Variants in CSHL1 observed in about 807,000 individuals in gnomAD.
CSHL1 encodes the protein chorionic somatomammotropin hormone like 1.
CSHL1 carries 25 observed loss-of-function variants against 24.3 expected under a neutral mutation model. The observed-to-expected ratio is 1.03, with a 90% CI of 0.75 to 1.44. CSHL1 has a LOEUF of 1.44. Ranked by LOEUF, CSHL1 falls within the 40% of genes most tolerant of loss-of-function variation. The pLI is 0.00. For missense variants in CSHL1, 342 were observed against 279.3 expected (o/e 1.22, Z -1.60); for synonymous variants, 157 against 115.6 (o/e 1.36, Z -2.30).
rs368393519 is a variant in CSHL1, at chr17:63,910,272, C to A, written c.361G>T (p.Val121Leu). The A allele has an allele frequency of 4.3e-5, 70 of 1,613,962 alleles. No homozygotes were observed. Among genetic ancestry groups the A allele is most frequent in the East Asian group, 1.1e-4 (5 of 44,888 alleles). The change falls in exon 4 of 5, where the codon GTG becomes TTG. Residue 121 changes from valine (V) to leucine (L), a missense_variant. Physicochemically the swap from Val to Leu is conservative, Grantham distance 32. Coordinates refer to ENST00000309894, the MANE Select transcript of CSHL1 (RefSeq NM_022579.3). Reference protein sequence around the residue: ...LLLIESRLEPVRFLRSTFTNN... With the variant: ...LLLIESRLEPLRFLRSTFTNN... ...GTGAAGGTACTCCTGAGGAACCGCA[C>A]GGGCTCCAGCCGCGACTCGATGAGC...
At chr17:63,911,117 G>C (rs61762506) in intron 1 of CSHL1, 70 bp downstream of exon 1, 2 of 1,612,032 alleles carry the variant, frequency 1.2e-6, no homozygotes, top group South Asian at 1.1e-5. Context: ...TAGTGCCCCC[G>C]TCCCATCTGC....
At chr17:63,910,011 G>A (rs1183060112) in intron 4 of CSHL1, 103 bp from the exon 5 acceptor site, 2 of 1,613,880 alleles carry the variant, frequency 1.2e-6, no homozygotes, top group Non-Finnish European at 1.7e-6. Flanking sequence ...TGTAGAGAAA[G>A]GCCTGGAGGA....
At chr17:63,910,114 C>G (rs372225664) in intron 4 of CSHL1, 48 bp downstream of exon 4, 3 of 1,614,178 alleles carry the variant, frequency 1.9e-6, no homozygotes, top group South Asian at 2.2e-5. Context: ...CCCCAGCCCT[C>G]GAAGCCAGTG....
In CSHL1 at chr17:63,910,443, T is replaced by A. The variant is rs372691621; in HGVS notation, c.283A>T (p.Met95Leu). The A allele has an allele frequency of 1.2e-6, 2 of 1,614,062 alleles. No homozygotes were observed. Among genetic ancestry groups the A allele is most frequent in the South Asian group, 2.2e-5 (2 of 91,074 alleles). ...FSDSIPTSSN[M>L]EETQQKSNLE... ...ACGGATTTCTGCTGCGTTTCCTCCATGTTGGAGGATGTCGGAATAGAGTCT... is the reference window on the plus strand; with the variant it reads ...ACGGATTTCTGCTGCGTTTCCTCCAAGTTGGAGGATGTCGGAATAGAGTCT... Residue 95 changes from methionine (M) to leucine (L), a missense_variant, in exon 3 of 5, where the codon ATG becomes TTG. Physicochemically the swap from Met to Leu is conservative, Grantham distance 15. Transcript: ENST00000309894.
intron 1 of CSHL1, 61 bp from the exon 2 acceptor site, chr17:63,910,985 T>C (rs772401722): frequency 2.5e-5 from 41 of 1,611,756 alleles, no homozygotes; most frequent in Admixed American, 1.2e-4. Context: ...ACTCTCCCTG[T>C]TCCAGGAGCT....
At chr17:63,910,624 C>T in intron 2 of CSHL1, 89 bp from the exon 3 acceptor site, 1 of 1,614,158 alleles carries the variant, frequency 6.2e-7, no homozygotes, top group Non-Finnish European at 8.5e-7. Flanking sequence ...GGGAACCTGG[C>T]TCAGCCTATG....
rs757081201 is a variant in CSHL1 at position 63,910,732 on chromosome 17, C to A, written c.190+13G>T. 6.2e-7 allele frequency: 1 copy of A among 1,614,210 alleles called. No homozygotes were observed. Among genetic ancestry groups the A allele is most frequent in the South Asian group, 1.1e-5 (1 of 91,084 alleles). The stretch of plus-strand genomic sequence containing the variant: ...GGGGAAAGTCACCCCTTCTTGCCAC[C>A]CCTGACCCGCACCCATTCCCCAAGA... On this transcript the variant is annotated intron_variant, in intron 2 of 4. Transcript: ENST00000309894.
intron 2 of CSHL1, 27 bp downstream of exon 2, chr17:63,910,718 C>A: frequency 6.2e-7 from 1 of 1,614,208 alleles, no homozygotes. Context: ...GGGAAAGTCA[C>A]CCCTTCTTGC....
In CSHL1 at chr17:63,910,338, G is replaced by C; in HGVS notation, c.307-12C>G. On this transcript the variant is annotated splice_polypyrimidine_tract_variant and intron_variant, in intron 3 of 4. Coordinates refer to ENST00000309894, the MANE Select transcript of CSHL1 (RefSeq NM_022579.3). Reference sequence around the variant, plus strand: ...AGCAGCTCTAAGTTCTGCAGGGGAAGGACCGGCAGTGGCTGTGCTGCCCGG... The same window carrying C: ...AGCAGCTCTAAGTTCTGCAGGGGAACGACCGGCAGTGGCTGTGCTGCCCGG... The C allele has an allele frequency of 6.2e-7, 1 of 1,614,164 alleles. No homozygotes were observed. Among genetic ancestry groups the C allele is most frequent in the Non-Finnish European group, 8.5e-7 (1 of 1,180,018 alleles).
intron 3 of CSHL1, 47 bp from the exon 4 acceptor site, chr17:63,910,373 C>A: frequency 2.5e-6 from 4 of 1,614,122 alleles, no homozygotes; most frequent in Non-Finnish European, 1.7e-6. Flanking sequence ...GGGGCTCTGA[C>A]CACAGGTCTC....
chr17:63,910,076 C>G (rs1268486513), intron 4 of CSHL1, 86 bp downstream of exon 4: 1 of 1,614,162 alleles, frequency 6.2e-7, no homozygotes. Flanking sequence ...CGCCTGACTG[C>G]TGAAAAGAGG....
chr17:63,910,397 T>C lies in CSHL1; in HGVS notation c.306+23A>G, dbSNP rs1470074619. 3.1e-6 allele frequency: 5 copies of C among 1,614,158 alleles called. No individual in the cohort carries two copies. In the East Asian group the frequency reaches 6.7e-5, roughly 22 times the overall value. The stretch of plus-strand genomic sequence containing the variant: ...ACCACAGGTCTCCCCCATCCCCGCC[T>C]AGGGGAGACAGCATCCACTCACGGA... On this transcript the variant is annotated intron_variant, in intron 3 of 4. Transcript: ENST00000309894.
rs1721394283 is a variant in CSHL1 at position 63,911,222 on chromosome 17, A to T, written c.-26T>A. 1 of 1,613,894 alleles carries T rather than the reference A, an allele frequency of 6.2e-7. No individual in the cohort carries two copies. On this transcript the variant is annotated 5_prime_UTR_variant, in exon 1 of 5. Transcript: ENST00000309894. ...TGCCGCTAGGTGAGCTGTCCACAGG[A>T]CCCTGAGTGGTGCGGGGAGTCGGGC...
chr17:63,910,426 C>G lies in CSHL1; in HGVS notation c.300G>C (p.Gln100His). 6.2e-7 allele frequency: 1 copy of G among 1,614,240 alleles called. No individual in the cohort carries two copies. Among genetic ancestry groups the G allele is most frequent in the Non-Finnish European group, 8.5e-7 (1 of 1,180,038 alleles). ...GGAGACAGCATCCACTCACGGATTT[C>G]TGCTGCGTTTCCTCCATGTTGGAGG... The part of the protein sequence containing the change: ...PTSSNMEETQ[Q>H]KSNLELLHIS... Residue 100 changes from glutamine to histidine, a missense_variant, in exon 3 of 5, where the codon CAG becomes CAC. Physicochemically the swap from Gln to His is conservative, Grantham distance 24. Coordinates refer to ENST00000309894, the MANE Select transcript of CSHL1 (RefSeq NM_022579.3).
At chr17:63,911,099 C>G in intron 1 of CSHL1, 88 bp downstream of exon 1, 3 of 1,611,880 alleles carry the variant, frequency 1.9e-6, no homozygotes, top group African/African-American at 2.7e-5. Context: ...AAGCCCCAAA[C>G]CTGAGGTTAG....
At chr17:63,910,653 C>G (rs745773323) in intron 2 of CSHL1, 92 bp downstream of exon 2, 2 of 1,614,124 alleles carry the variant, frequency 1.2e-6, no homozygotes, top group South Asian at 1.1e-5. Context: ...CCTGCATTTT[C>G]GCTTCAGAAA....
Position 63,911,236 on chromosome 17 carries a change from G to A in CSHL1, c.-40C>T, listed in dbSNP as rs772630187. ...CTGTCCACAGGACCCTGAGTGGTGC[G>A]GGGAGTCGGGCCTTGGGATGCTGGA... On this transcript the variant is annotated 5_prime_UTR_variant, in exon 1 of 5. Coordinates refer to ENST00000309894, the MANE Select transcript of CSHL1 (RefSeq NM_022579.3). 1.4e-5 allele frequency: 23 copies of A among 1,613,852 alleles called. No individual in the cohort carries two copies. Among genetic ancestry groups the A allele is most frequent in the African/African-American group, 1.2e-4 (9 of 74,904 alleles).
chr17:63,910,374 C>T (rs750093951), intron 3 of CSHL1, 46 bp downstream of exon 3: 15 of 1,614,022 alleles, frequency 9.3e-6, no homozygotes, highest in Non-Finnish European at 1.2e-5. Context: ...GGGCTCTGAC[C>T]ACAGGTCTCC....
chr17:63,910,972 A>G (rs372545315), intron 1 of CSHL1, 48 bp from the exon 2 acceptor site: 83 of 1,612,718 alleles, frequency 5.1e-5, no homozygotes, highest in Non-Finnish European at 6.4e-5. Flanking sequence ...GCAAGAGGCC[A>G]GCACTCTCCC....
Sources: gnomAD v4.1 joint callset for allele counts on GRCh38, gnomAD v4.1.1 for gene constraint, MANE v1.5 for transcripts, NCBI Gene and HGNC (gene_info 2026-07-23, HGNC 2026-07-21) for gene names.